Variants in DOK6 observed in about 807,000 individuals in gnomAD.
DOK6 encodes docking protein 6, also known as downstream of tyrosine kinase 6.
Under a neutral mutation model 44.0 loss-of-function variants are expected in DOK6, and 22 were observed. The observed-to-expected ratio is 0.50, with a 90% CI of 0.36 to 0.71. DOK6 has a LOEUF of 0.71. DOK6 is among the 30% of genes least tolerant of loss of function. The pLI, the probability that DOK6 is intolerant of heterozygous loss-of-function variation, is 0.00. For synonymous variants in DOK6, 166 were observed against 145.5 expected (o/e 1.14, Z -1.01); for missense variants, 340 against 416.4 (o/e 0.82, Z 1.60).
intron 1 of DOK6, among the ~76,000 whole-genome samples, chr18:69,544,810 A>C (rs1285058568): frequency 6.6e-6 from 1 of 151,630 alleles, no homozygotes; most frequent in African/African-American, 2.4e-5. Flanking sequence ...AACTTTATAT[A>C]GAGGCAAAAA....
intron 6 of DOK6, among the ~76,000 whole-genome samples, chr18:69,741,353 T>G (rs190398122): frequency 6.6e-6 from 1 of 152,284 alleles, no homozygotes; most frequent in East Asian, 1.9e-4. Flanking sequence ...TTCTTCAGAG[T>G]AAACTGAACT....
At chr18:69,746,430 T>C (rs1461074774) in intron 6 of DOK6, among the ~76,000 whole-genome samples, 2 of 152,098 alleles carry the variant, frequency 1.3e-5, no homozygotes, top group East Asian at 1.9e-4. Context: ...GCTAATTTTT[T>C]GTATTTTAGT....
At chr18:69,408,439 C>CAAAA (rs35285941) in intron 1 of DOK6, among the ~76,000 whole-genome samples, 11 of 138,854 alleles carry the variant, frequency 7.9e-5, no homozygotes, top group Middle Eastern at 3.7e-3. Flanking sequence ...CCTCTCCTTT[C>CAAAA]AAAAAAAAAA....
At chr18:69,564,955 T>A (rs1982933417) in intron 2 of DOK6, among the ~76,000 whole-genome samples, 1 of 152,216 alleles carries the variant, frequency 6.6e-6, no homozygotes, top group Admixed American at 6.5e-5. Flanking sequence ...ATTAGGGGGC[T>A]GCCTTTAACA....
chr18:69,411,166 G>T (rs1351850192), intron 1 of DOK6, among the ~76,000 whole-genome samples: 1 of 152,124 alleles, frequency 6.6e-6, no homozygotes, highest in East Asian at 1.9e-4. Flanking sequence ...AGAAGTGTTT[G>T]TTAAAAAGTT....
intron 4 of DOK6, among the ~76,000 whole-genome samples, chr18:69,696,480 AT>A (rs1236794307): frequency 6.6e-6 from 1 of 152,118 alleles, no homozygotes; most frequent in African/African-American, 2.4e-5. Context: ...TTTGGCAATT[AT>A]TTTTTCGGTT....
chr18:69,682,590 T>A (rs1429045815), intron 4 of DOK6, among the ~76,000 whole-genome samples: 1 of 152,218 alleles, frequency 6.6e-6, no homozygotes, highest in African/African-American at 2.4e-5. Flanking sequence ...AGCCTTTGAA[T>A]ATTTCATGTC....
chr18:69,617,187 G>A (rs973596187), intron 3 of DOK6, among the ~76,000 whole-genome samples: 1 of 152,120 alleles, frequency 6.6e-6, no homozygotes, highest in Non-Finnish European at 1.5e-5. Context: ...GGGAGTGGTG[G>A]CTCACGCCTG....
chr18:69,803,665 A>G (rs993095472), intron 7 of DOK6, among the ~76,000 whole-genome samples: 1 of 152,170 alleles, frequency 6.6e-6, no homozygotes. Context: ...GATCGAGACC[A>G]TCCTGGCCAA....
At position 69,598,532 on chromosome 18, in the gene DOK6, A is replaced by G. The variant is rs1015225657; in HGVS notation, c.175-852A>G. Among the ~76,000 whole-genome samples, 28 of 152,130 alleles carry G rather than the reference A, an allele frequency of 1.8e-4. 1 individual carries two copies. The highest frequency in any genetic ancestry group is 6.5e-4 in the African/African-American group (27 of 41,430). On this transcript the variant is annotated intron_variant, in intron 2 of 7. Coordinates refer to ENST00000382713, the MANE Select transcript of DOK6 (RefSeq NM_152721.6). ...TGTCTTCTTTCTGTTAACAGTATGG[A>G]TCTAGAAATAAGAAATCTTATAAAT... is the stretch of plus-strand genomic sequence containing the variant.
intron 1 of DOK6, among the ~76,000 whole-genome samples, chr18:69,425,036 C>T (rs1215785728): frequency 2.0e-5 from 3 of 152,050 alleles, no homozygotes; most frequent in African/African-American, 7.2e-5. Context: ...GTCAGAGTAA[C>T]ACAGTAATAT....
At chr18:69,568,060 T>C (rs568408753) in intron 2 of DOK6, among the ~76,000 whole-genome samples, 1 of 152,288 alleles carries the variant, frequency 6.6e-6, no homozygotes, top group African/African-American at 2.4e-5. Flanking sequence ...CAACCGGCTC[T>C]CCCTTACAGA....
At chr18:69,426,435 G>T (rs563598391) in intron 1 of DOK6, among the ~76,000 whole-genome samples, 1 of 152,242 alleles carries the variant, frequency 6.6e-6, no homozygotes, top group East Asian at 1.9e-4. Context: ...GCATTACATG[G>T]TTCAACTTAA....
intron 3 of DOK6, among the ~76,000 whole-genome samples, chr18:69,636,518 G>T (rs568649884): frequency 1.2e-4 from 18 of 152,308 alleles, no homozygotes; most frequent in African/African-American, 4.3e-4. Context: ...GTCTATGCTG[G>T]CGAAAAGTTG....
At chr18:69,819,517 C>G (rs1482332093) in intron 7 of DOK6, among the ~76,000 whole-genome samples, 1 of 152,126 alleles carries the variant, frequency 6.6e-6, no homozygotes, top group African/African-American at 2.4e-5. Flanking sequence ...TGCTTTCTAA[C>G]TGTGGTAAGA....
chr18:69,783,860 T>G (rs990633436), intron 7 of DOK6, among the ~76,000 whole-genome samples: 1 of 152,216 alleles, frequency 6.6e-6, no homozygotes, highest in Admixed American at 6.5e-5. Context: ...TCTAAATTTA[T>G]ATTTAAAATA....
chr18:69,571,509 A>G (rs1053072224), intron 2 of DOK6, among the ~76,000 whole-genome samples: 2 of 152,074 alleles, frequency 1.3e-5, no homozygotes, highest in Non-Finnish European at 1.5e-5. Flanking sequence ...TTAAATATAC[A>G]AATAGCCTGA....
chr18:69,637,994 G>A (rs539869051), intron 3 of DOK6, among the ~76,000 whole-genome samples: 32 of 152,132 alleles, frequency 2.1e-4, no homozygotes, highest in African/African-American at 7.5e-4. Context: ...AAAGTTGAGC[G>A]TCGTACTCTA....
At chr18:69,476,706 G>T (rs182986645) in intron 1 of DOK6, among the ~76,000 whole-genome samples, 1 of 152,230 alleles carries the variant, frequency 6.6e-6, no homozygotes, top group East Asian at 1.9e-4. Flanking sequence ...GAGGAGAAGA[G>T]GTAGCAGGAA....
Sources: allele counts gnomAD v4.1 joint callset (sites outside exome capture counted in the v4.1 genomes callset), GRCh38; gene constraint gnomAD v4.1.1; transcripts MANE v1.5; gene names NCBI Gene and HGNC (gene_info 2026-07-23, HGNC 2026-07-21).